Variants in NEXMIF observed in about 807,000 individuals in gnomAD.
NEXMIF encodes neurite extension and migration factor.
Under a neutral mutation model 62.1 loss-of-function variants are expected in NEXMIF, and 8 were observed. The ratio of observed to expected loss-of-function variants is 0.13; its 90% CI spans 0.08 to 0.23. NEXMIF has a LOEUF of 0.23. Among genes scored for constraint, NEXMIF ranks in the 10% least tolerant of loss-of-function variants. NEXMIF has a pLI of 1.00. For missense variants in NEXMIF, 976 were observed against 1,113.3 expected (o/e 0.88, Z 1.75); for synonymous variants, 404 against 416.6 (o/e 0.97, Z 0.37).
In NEXMIF at chrX:74,830,328, C is replaced by A. The variant is rs2080431967; in HGVS notation, c.-47-84631G>T. The stretch of plus-strand genomic sequence containing the variant: ...GACAGTCCTTTCTCCATTGTATGTT[C>A]TTGGCATCTTTGTCGAACACGAGCT... On this transcript the variant is annotated intron_variant, in intron 1 of 3. Transcript: ENST00000055682. 2.7e-5 allele frequency among the ~76,000 whole-genome samples: 3 copies of A among 111,733 alleles called. No homozygotes were observed. In the South Asian group the frequency reaches 1.1e-3, roughly 41 times the overall value.
chrX:74,848,192 T>G (rs938377864), intron 1 of NEXMIF, among the ~76,000 whole-genome samples: 2 of 111,862 alleles, frequency 1.8e-5, no homozygotes, highest in Non-Finnish European at 3.8e-5. Flanking sequence ...AAAATGAAAA[T>G]TACTTTTAGC....
At chrX:74,793,451 G>T in intron 1 of NEXMIF, among the ~76,000 whole-genome samples, 1 of 109,577 alleles carries the variant, frequency 9.1e-6, no homozygotes, top group Non-Finnish European at 1.9e-5. Context: ...ACAATTATGT[G>T]TCTTGGAGTT....
intron 1 of NEXMIF, among the ~76,000 whole-genome samples, chrX:74,888,535 C>T (rs2080706007): frequency 9.2e-6 from 1 of 108,205 alleles, no homozygotes; most frequent in African/African-American, 3.4e-5. Flanking sequence ...CACACCGGGG[C>T]ATGTTGAGGG....
intron 1 of NEXMIF, among the ~76,000 whole-genome samples, chrX:74,875,154 T>C (rs2080624878): frequency 9.0e-6 from 1 of 111,073 alleles, no homozygotes; most frequent in Non-Finnish European, 1.9e-5. Flanking sequence ...TCTTATTATT[T>C]TGAAACATGT....
At chrX:74,880,189 G>C (rs762135425) in intron 1 of NEXMIF, among the ~76,000 whole-genome samples, 1 of 111,613 alleles carries the variant, frequency 9.0e-6, no homozygotes, top group African/African-American at 3.3e-5. Context: ...ATCACCTTAC[G>C]TTACACTTAT....
chrX:74,877,182 G>T (rs1029903555), intron 1 of NEXMIF, among the ~76,000 whole-genome samples: 8 of 111,119 alleles, frequency 7.2e-5, no homozygotes, highest in Non-Finnish European at 1.3e-4. Flanking sequence ...TTTAGGGCAG[G>T]CCTGGTGGTG....
At chrX:74,750,800 C>T (rs767174392) in intron 1 of NEXMIF, among the ~76,000 whole-genome samples, 16 of 111,417 alleles carry the variant, frequency 1.4e-4, no homozygotes, top group African/African-American at 4.2e-4. Context: ...AAATGAGCAA[C>T]GATACAAGTT....
chrX:74,745,051 G>A (rs1235147365), intron 2 of NEXMIF, among the ~76,000 whole-genome samples: 1 of 106,743 alleles, frequency 9.4e-6, no homozygotes, highest in Non-Finnish European at 1.9e-5. Flanking sequence ...GCGTGATCTC[G>A]GCTCCCTGCA....
At chrX:74,777,266 C>T (rs12846247) in intron 1 of NEXMIF, among the ~76,000 whole-genome samples, 21 of 111,268 alleles carry the variant, frequency 1.9e-4, no homozygotes, top group African/African-American at 6.9e-4. Flanking sequence ...GGCCAATATG[C>T]TCAGGTCAGA....
chrX:74,782,017 C>T (rs1323301788), intron 1 of NEXMIF, among the ~76,000 whole-genome samples: 8 of 112,105 alleles, frequency 7.1e-5, no homozygotes, highest in Non-Finnish European at 1.1e-4. Context: ...AACCAGATGA[C>T]ACAGACATCT....
chrX:74,865,921 G>C (rs765076135), intron 1 of NEXMIF, among the ~76,000 whole-genome samples: 34 of 111,696 alleles, frequency 3.0e-4, no homozygotes, highest in Admixed American at 9.5e-5. Context: ...TGCTGCCGGG[G>C]TGGGGCCCTC....
Position 74,743,259 on chromosome X carries a change from A to G in NEXMIF, c.1298T>C (p.Leu433Pro), listed in dbSNP as rs141661883. The G allele has an allele frequency of 5.9e-5, 71 of 1,209,890 alleles. No individual in the cohort carries two copies. The highest frequency in any genetic ancestry group is 3.4e-6 in the Non-Finnish European group (3 of 895,211). ...NPKQGHLANS[L>P]ETSGSFSDDS... Reference sequence around the variant, plus strand: ...ATCACTGAAACTCCCTGATGTCTCCAGGGAATTAGCAAGATGGCCCTGCTT... The same window carrying G: ...ATCACTGAAACTCCCTGATGTCTCCGGGGAATTAGCAAGATGGCCCTGCTT... Residue 433 changes from leucine to proline, a missense_variant, in exon 3 of 4, where the codon CTG becomes CCG. Around this residue, in one of 5 missense-constraint regions of NEXMIF, gnomAD observed 639 missense variants for 694.5 expected, o/e 0.92. Coordinates refer to ENST00000055682, the MANE Select transcript of NEXMIF (RefSeq NM_001008537.3).
Position 74,925,223 on chromosome X carries a change from C to A in NEXMIF, c.-388G>T. The A allele has an allele frequency of 8.4e-6, 1 of 119,081 alleles. No homozygotes were observed. The highest frequency in any genetic ancestry group is 2.7e-4 in the South Asian group (1 of 3,720). 9.8% of individuals were successfully genotyped at this position (119,081 alleles called of 1,213,427 possible). Reference sequence around the variant, plus strand: ...AGGGTCCGTGCTTCGCTTACACTGTCGCTCGCCCCGGCTGGAGCTACCTAG... The same window carrying A: ...AGGGTCCGTGCTTCGCTTACACTGTAGCTCGCCCCGGCTGGAGCTACCTAG... On this transcript the variant is annotated 5_prime_UTR_variant, in exon 1 of 4. Transcript: ENST00000055682.
At chrX:74,861,409 T>C (rs1017330407) in intron 1 of NEXMIF, among the ~76,000 whole-genome samples, 4 of 111,708 alleles carry the variant, frequency 3.6e-5, no homozygotes, top group African/African-American at 1.3e-4. Context: ...CGGAAATAAG[T>C]TGGAAAACAT....
In NEXMIF at chrX:74,876,568, T is replaced by C. The variant is rs764610928; in HGVS notation, c.-48+48315A>G. ...CCTTGTTGACTTTCTGTCTCGTTGA[T>C]CTGTCTAATGTTGACAGTGGGGTGT... is the stretch of plus-strand genomic sequence containing the variant. On this transcript the variant is annotated intron_variant, in intron 1 of 3. Coordinates refer to ENST00000055682, the MANE Select transcript of NEXMIF (RefSeq NM_001008537.3). Among the ~76,000 whole-genome samples, 164 of 104,745 alleles carry C rather than the reference T, an allele frequency of 1.6e-3. 1 individual carries two copies. Among genetic ancestry groups the C allele is most frequent in the African/African-American group, 5.6e-3 (160 of 28,605 alleles). 91.0% of individuals were successfully genotyped at this position (104,745 alleles called of 115,157 possible). A position where few individuals can be genotyped will look rare whatever the true frequency, so the allele number is the denominator to read the frequency against.
At chrX:74,866,332 C>G (rs1282620753) in intron 1 of NEXMIF, among the ~76,000 whole-genome samples, 1 of 111,488 alleles carries the variant, frequency 9.0e-6, no homozygotes. Flanking sequence ...CCAATTTCTC[C>G]CATTTGGAAG....
rs574920413 is a variant in NEXMIF at position 74,906,996 on chromosome X, G to A, written c.-48+17887C>T. Among the ~76,000 whole-genome samples the A allele has an allele frequency of 7.3e-4, 81 of 111,200 alleles. No homozygotes were observed. The South Asian group carries it at 0.031, about 42-fold the overall frequency. On this transcript the variant is annotated intron_variant, in intron 1 of 3. Transcript: ENST00000055682. Reference sequence around the variant, plus strand: ...CAGCCCTAATCTACAGACCCTCCTTGCTTTTTCAGGGCACCTTATAATATG... The same window carrying A: ...CAGCCCTAATCTACAGACCCTCCTTACTTTTTCAGGGCACCTTATAATATG...
chrX:74,745,812 T>C (rs1389598053), intron 1 of NEXMIF, 115 bp from the exon 2 acceptor site: 1 of 434,721 alleles, frequency 2.3e-6, no homozygotes, highest in Non-Finnish European at 4.0e-6. Flanking sequence ...TGTTTCCAGA[T>C]TGACTTCATC....
chrX:74,907,527 T>C (rs2080773383), intron 1 of NEXMIF, among the ~76,000 whole-genome samples: 1 of 110,567 alleles, frequency 9.0e-6, no homozygotes, highest in African/African-American at 3.3e-5. Context: ...AAACTGTTAC[T>C]GTGGGAAACG....
Sources: allele counts gnomAD v4.1 joint callset (sites outside exome capture counted in the v4.1 genomes callset), GRCh38; gene constraint gnomAD v4.1.1; regional missense constraint gnomAD v4.1.1; transcripts MANE v1.5; gene names NCBI Gene and HGNC (gene_info 2026-07-23, HGNC 2026-07-21).